The following DPH6 variants were observed in gnomAD, a reference collection of about 807,000 sequenced individuals.
The protein encoded by DPH6 is diphthine--ammonia ligase.
A neutral mutation model predicts 38.2 loss-of-function variants in DPH6; 33 were observed. The ratio of observed to expected loss-of-function variants is 0.86; its 90% CI spans 0.65 to 1.15. The LOEUF (loss-of-function observed/expected upper bound fraction) is 1.15. Ranked by LOEUF, DPH6 falls within the 50% of genes most tolerant of loss-of-function variation. The probability of loss-of-function intolerance (pLI) is 0.00; values close to 1 mark genes in which losing one functional copy is unlikely to be tolerated. For synonymous variants in DPH6, 108 were observed against 103.0 expected, an observed-to-expected ratio of 1.05 and a Z score of -0.30; for missense variants, 325 against 320.0, an observed-to-expected ratio of 1.02 and a Z score of -0.12.
At chr15:35,202,923 C>T in the DPH6 span, among the ~76,000 whole-genome samples, 1 of 151,592 alleles carries the variant, frequency 6.6e-6, no homozygotes, top group Non-Finnish European at 1.5e-5. Context: ...AGGAGAGAGG[C>T]GCTAATATAC....
chr15:35,208,066 C>T, the DPH6 span, among the ~76,000 whole-genome samples: 1 of 151,810 alleles, frequency 6.6e-6, no homozygotes, highest in Non-Finnish European at 1.5e-5. Flanking sequence ...TTGGGATCCA[C>T]ATCTGTGGAT....
chr15:35,481,025 G>A (rs1004707664), intron 3 of DPH6, among the ~76,000 whole-genome samples: 1 of 151,808 alleles, frequency 6.6e-6, no homozygotes, highest in South Asian at 2.1e-4. Flanking sequence ...CCAGATCTGT[G>A]TTGTCCAACA....
chr15:35,215,969 T>A (rs1425741397), downstream of DPH6, among the ~76,000 whole-genome samples: 3 of 152,244 alleles, frequency 2.0e-5, no homozygotes, highest in African/African-American at 7.2e-5. Context: ...ATCTTTCTTA[T>A]CTTTGGCTCT....
At chr15:35,186,327 C>T in the DPH6 span, among the ~76,000 whole-genome samples, 1 of 152,136 alleles carries the variant, frequency 6.6e-6, no homozygotes, top group Admixed American at 6.5e-5. Context: ...ATATAGGATC[C>T]TGATGATATC....
intron 3 of DPH6, among the ~76,000 whole-genome samples, chr15:35,515,512 G>C (rs1019408600): frequency 6.6e-6 from 1 of 151,880 alleles, no homozygotes; most frequent in African/African-American, 2.4e-5. Context: ...ACAAGGTCAG[G>C]AGATCAAGAC....
intron 6 of DPH6, among the ~76,000 whole-genome samples, chr15:35,402,319 C>T (rs578142546): frequency 6.6e-6 from 1 of 152,202 alleles, no homozygotes; most frequent in Admixed American, 6.5e-5. Context: ...AAAGGGATTA[C>T]CCAAGCAAAA....
intron 7 of DPH6, 125 bp from the exon 8 acceptor site, chr15:35,373,733 T>C: frequency 1.8e-6 from 1 of 552,464 alleles, no homozygotes; most frequent in Non-Finnish European, 3.0e-6. Flanking sequence ...ATACAACATG[T>C]AGTGATTAAT....
chr15:35,491,219 G>GTTAT (rs2141172438), intron 3 of DPH6, among the ~76,000 whole-genome samples: 1 of 151,600 alleles, frequency 6.6e-6, no homozygotes, highest in South Asian at 2.1e-4. Flanking sequence ...ATGGATGGAA[G>GTTAT]GATAAAGACA....
downstream of DPH6, among the ~76,000 whole-genome samples, chr15:35,370,245 C>T (rs186247642): frequency 1.4e-4 from 21 of 151,664 alleles, no homozygotes; most frequent in Admixed American, 9.2e-4. Flanking sequence ...TATCAAGCTT[C>T]GACAAGATAA....
chr15:35,482,046 A>C (rs2054333614), intron 3 of DPH6, among the ~76,000 whole-genome samples: 2 of 152,210 alleles, frequency 1.3e-5, no homozygotes, highest in Non-Finnish European at 2.9e-5. Context: ...CCTTGCCTGG[A>C]GCCACTCCCA....
intron 5 of DPH6, among the ~76,000 whole-genome samples, chr15:35,436,156 A>G (rs2053697655): frequency 1.3e-5 from 2 of 152,070 alleles, no homozygotes. Flanking sequence ...GGTCTAGCTC[A>G]GTCCGACAGC....
rs753173129 is a variant in DPH6 at position 35,504,490 on chromosome 15, TA to T, written c.312+33783del. On this transcript the variant is annotated intron_variant, in intron 3 of 8. Coordinates refer to ENST00000256538, the MANE Select transcript of DPH6 (RefSeq NM_080650.4). ...CTTCTGTATTTTCACAACATTTGTTTAAAAAAAAAAAAACCTCTATCATAAC... is the reference window on the plus strand; with the variant it reads ...CTTCTGTATTTTCACAACATTTGTTTAAAAAAAAAAAACCTCTATCATAAC... Among the ~76,000 whole-genome samples the T allele has an allele frequency of 5.5e-3, 793 of 143,070 alleles. 3 individuals carry two copies. Among genetic ancestry groups the T allele is most frequent in the East Asian group, 0.037 (182 of 4,974 alleles). The allele number at this position is 143,070 out of a possible 152,430, so 93.9% of individuals were successfully genotyped here. A position where few individuals can be genotyped will look rare whatever the true frequency, so the allele number is the denominator to read the frequency against.
intron 3 of DPH6, among the ~76,000 whole-genome samples, chr15:35,523,691 T>C (rs2054957523): frequency 6.6e-6 from 1 of 152,076 alleles, no homozygotes; most frequent in Non-Finnish European, 1.5e-5. Flanking sequence ...CATACTAAAA[T>C]TGGAATTGCT....
chr15:35,313,257 A>G (rs1251102061), intron 3 of DPH6, among the ~76,000 whole-genome samples: 1 of 149,004 alleles, frequency 6.7e-6, no homozygotes, highest in East Asian at 1.9e-4. Context: ...TTTTTTTTTT[A>G]AATCAGGTAG....
rs1462434626 is a variant in DPH6, at chr15:35,373,521, C to T, written c.750G>A (p.Lys250=). Residue 250 remains lysine, a splice_region_variant and synonymous_variant, in exon 8 of 9, where the codon AAG becomes AAA. Coordinates refer to ENST00000256538, the MANE Select transcript of DPH6 (RefSeq NM_080650.4). ...LRFLELHLED[K]VSSVPDNYRT... ...CACTGTGAATCTTAGATTTACTTGC[C>T]TTGTCCTCCAAGTGCAATTCTAAAA... The T allele has an allele frequency of 6.3e-6, 10 of 1,599,400 alleles. No homozygotes were observed. The highest frequency in any genetic ancestry group is 8.5e-6 in the Non-Finnish European group (10 of 1,173,486).
chr15:35,302,291 C>G (rs1043208502), intron 3 of DPH6, among the ~76,000 whole-genome samples: 5 of 152,184 alleles, frequency 3.3e-5, no homozygotes, highest in African/African-American at 1.2e-4. Flanking sequence ...TACTAGCAAT[C>G]TCTTTTCTAC....
At chr15:35,281,759 A>G (rs1451328792) in intron 3 of DPH6, among the ~76,000 whole-genome samples, 1 of 152,236 alleles carries the variant, frequency 6.6e-6, no homozygotes, top group African/African-American at 2.4e-5. Flanking sequence ...CTGAGGGCCA[A>G]TACAGCTTAA....
In DPH6 at chr15:35,313,880, C is replaced by T. The variant is rs143940325; in HGVS notation, n.200+59641G>A. Among the ~76,000 whole-genome samples the T allele has an allele frequency of 3.6e-3, 545 of 152,178 alleles. 5 individuals are homozygous for T. Among genetic ancestry groups the T allele is most frequent in the African/African-American group, 0.013 (525 of 41,548 alleles). ...TGGAGAATGACTCCAGGGCATTTGT[C>T]TGGGCAAGTATTTATTTTGTGTAAG... On this transcript the variant is annotated intron_variant and non_coding_transcript_variant, in intron 3 of 3. Coordinates refer to the DPH6 transcript ENST00000560386.
chr15:35,336,541 C>G (rs1350147991), intron 3 of DPH6, among the ~76,000 whole-genome samples: 1 of 152,114 alleles, frequency 6.6e-6, no homozygotes, highest in Non-Finnish European at 1.5e-5. Flanking sequence ...AAAGGGAATG[C>G]TTCCAGTTTT....
Sources: gnomAD v4.1 joint callset for allele counts (sites outside exome capture counted in the v4.1 genomes callset) on GRCh38, gnomAD v4.1.1 for gene constraint, MANE v1.5 for transcripts, NCBI Gene and HGNC (gene_info 2026-07-23, HGNC 2026-07-21) for gene names.